ZNF407: variants seen among roughly 807,000 people sequenced by gnomAD.
The protein encoded by ZNF407 is zinc finger protein 407.
ZNF407 carries 17 observed loss-of-function variants against 131.2 expected under a neutral mutation model. That is an observed-to-expected ratio of 0.13 (90% CI 0.09 to 0.19). The LOEUF is 0.19. Ranked by LOEUF, ZNF407 falls within the 10% of genes least tolerant of loss-of-function variation. The pLI, the probability that ZNF407 is intolerant of heterozygous loss-of-function variation, is 1.00. For synonymous variants in ZNF407, 1,156 were observed against 1,062.0 expected, an observed-to-expected ratio of 1.09 and a Z score of -1.72; for missense variants, 2,681 against 2,830.6, an observed-to-expected ratio of 0.95 and a Z score of 1.20.
chr18:74,787,303 A>G (rs1421927077), intron 4 of ZNF407, among the ~76,000 whole-genome samples: 1 of 152,226 alleles, frequency 6.6e-6, no homozygotes, highest in Admixed American at 6.5e-5. Context: ...ATGTTCCACC[A>G]AAGTTATCTT....
intron 3 of ZNF407, among the ~76,000 whole-genome samples, chr18:74,693,166 A>G (rs1599074276): frequency 6.6e-6 from 1 of 152,156 alleles, no homozygotes; most frequent in Admixed American, 6.6e-5. Flanking sequence ...ATGTACATGT[A>G]TTTCTTCTCC....
At chr18:74,785,619 A>G (rs17055099) in intron 4 of ZNF407, among the ~76,000 whole-genome samples, 100,090 of 152,146 alleles carry the variant, frequency 0.66, 34,704 homozygotes, top group East Asian at 0.95. Flanking sequence ...TTGCATATTT[A>G]TAAGTTGAAG....
intron 3 of ZNF407, among the ~76,000 whole-genome samples, chr18:74,683,667 A>G (rs1056078910): frequency 6.6e-6 from 1 of 152,208 alleles, no homozygotes; most frequent in Non-Finnish European, 1.5e-5. Context: ...CTTGAATACA[A>G]CATTTATGAT....
chr18:74,821,598 A>G (rs1970341416), intron 4 of ZNF407, among the ~76,000 whole-genome samples: 1 of 152,060 alleles, frequency 6.6e-6, no homozygotes, highest in Non-Finnish European at 1.5e-5. Context: ...CAGGACATGA[A>G]CTCATCATTT....
intron 3 of ZNF407, among the ~76,000 whole-genome samples, chr18:74,678,404 C>A (rs1966902385): frequency 6.6e-6 from 1 of 152,186 alleles, no homozygotes; most frequent in South Asian, 2.1e-4. Flanking sequence ...TTCTCCCTTT[C>A]CTCTCCTTCC....
chr18:74,877,627 A>G lies in ZNF407; in HGVS notation c.5044+264A>G, dbSNP rs2145180802. ...ATATTTAGAAGCTCATTTATGGTGT[A>G]TGTATGTGTATATATATATTTGTAT... On this transcript the variant is annotated intron_variant, in intron 5 of 8. Coordinates refer to ENST00000299687, the MANE Select transcript of ZNF407 (RefSeq NM_017757.3). 1.3e-5 allele frequency among the ~76,000 whole-genome samples: 2 copies of G among 152,342 alleles called. 1 individual carries two copies. The highest frequency in any genetic ancestry group is 4.1e-4 in the South Asian group (2 of 4,826).
rs963605794 is a variant in ZNF407, at chr18:75,002,770, A to C, written c.5429-60380A>C. Among the ~76,000 whole-genome samples the C allele has an allele frequency of 5.3e-4, 76 of 144,584 alleles. 1 individual carries two copies. Among genetic ancestry groups the C allele is most frequent in the South Asian group, 1.1e-3 (5 of 4,548 alleles). 94.9% of individuals were successfully genotyped at this position (144,584 alleles called of 152,430 possible). ...CAGCGAGCCGAGATCGCGCCACTGCACTCCAGCCTGGGCAACAGAGCGAGA... is the reference window on the plus strand; with the variant it reads ...CAGCGAGCCGAGATCGCGCCACTGCCCTCCAGCCTGGGCAACAGAGCGAGA... On this transcript the variant is annotated intron_variant, in intron 8 of 8. Transcript: ENST00000299687.
At chr18:74,947,612 C>T (rs1972167926) in intron 8 of ZNF407, among the ~76,000 whole-genome samples, 1 of 152,234 alleles carries the variant, frequency 6.6e-6, no homozygotes, top group Non-Finnish European at 1.5e-5. Context: ...CGGCTGCTCT[C>T]TCCCCTCGGA....
chr18:74,863,343 T>G (rs1346943972), intron 4 of ZNF407, among the ~76,000 whole-genome samples: 1 of 151,930 alleles, frequency 6.6e-6, no homozygotes, highest in Non-Finnish European at 1.5e-5. Context: ...CAGTAATTAA[T>G]ATAAACTTAT....
At chr18:74,933,338 A>C (rs559604501) in intron 8 of ZNF407, among the ~76,000 whole-genome samples, 120 of 152,346 alleles carry the variant, frequency 7.9e-4, no homozygotes, top group African/African-American at 2.7e-3. Flanking sequence ...TTCCACTTAC[A>C]GATGATGTGC....
At chr18:74,890,098 G>A (rs117846747) in intron 7 of ZNF407, 60 bp downstream of exon 7, 367 of 1,387,886 alleles carry the variant, frequency 2.6e-4, no homozygotes, top group Non-Finnish European at 3.4e-4. Flanking sequence ...TTAAAAGCCC[G>A]TTAAATCCCA....
At chr18:74,691,896 C>T (rs948933333) in intron 3 of ZNF407, among the ~76,000 whole-genome samples, 1 of 151,932 alleles carries the variant, frequency 6.6e-6, no homozygotes, top group African/African-American at 2.4e-5. Context: ...GAGTTATAGA[C>T]CAGCCTGGCC....
intron 4 of ZNF407, among the ~76,000 whole-genome samples, chr18:74,876,371 C>T (rs116440436): frequency 6.6e-6 from 1 of 152,092 alleles, no homozygotes; most frequent in East Asian, 1.9e-4. Context: ...GTTTTAAACT[C>T]ATATTGGAAA....
intron 4 of ZNF407, among the ~76,000 whole-genome samples, chr18:74,869,750 C>T (rs1320690644): frequency 1.3e-5 from 2 of 152,168 alleles, no homozygotes; most frequent in Non-Finnish European, 2.9e-5. Flanking sequence ...TTTATTGGAA[C>T]ACAGCCACAT....
In ZNF407 at chr18:74,824,529, A is replaced by G. The variant is rs113978414; in HGVS notation, c.4877+43027A>G. ...AGATGCAATAAAAAATGATAAAGGG[A>G]TATCACCACCAATCCCACAGAAATA... On this transcript the variant is annotated intron_variant, in intron 4 of 8. Transcript: ENST00000299687. Among the ~76,000 whole-genome samples the G allele has an allele frequency of 7.8e-3, 1,182 of 152,252 alleles. 12 individuals carry two copies. The highest frequency in any genetic ancestry group is 0.026 in the African/African-American group (1,098 of 41,540).
intron 8 of ZNF407, among the ~76,000 whole-genome samples, chr18:74,962,886 A>C (rs1268499310): frequency 1.3e-5 from 2 of 152,246 alleles, no homozygotes; most frequent in Non-Finnish European, 2.9e-5. Context: ...AAGAATTAAC[A>C]AATGAATGAA....
At chr18:74,794,694 C>G (rs1459911837) in intron 4 of ZNF407, among the ~76,000 whole-genome samples, 1 of 152,026 alleles carries the variant, frequency 6.6e-6, no homozygotes, top group Non-Finnish European at 1.5e-5. Flanking sequence ...TGGTCTGTAT[C>G]TCCATATTTT....
chr18:74,906,213 A>T (rs2145215202), intron 7 of ZNF407, among the ~76,000 whole-genome samples: 1 of 152,316 alleles, frequency 6.6e-6, no homozygotes, highest in South Asian at 2.1e-4. Context: ...GTTTGTAAAG[A>T]ATAAAGAAGT....
intron 3 of ZNF407, among the ~76,000 whole-genome samples, chr18:74,681,328 T>C (rs922278230): frequency 1.3e-5 from 2 of 152,122 alleles, no homozygotes; most frequent in Non-Finnish European, 2.9e-5. Flanking sequence ...CTTGAACTCC[T>C]GCGCCTAAAT....
Sources: gnomAD v4.1 joint callset for allele counts (sites outside exome capture counted in the v4.1 genomes callset) on GRCh38, gnomAD v4.1.1 for gene constraint, MANE v1.5 for transcripts, NCBI Gene and HGNC (gene_info 2026-07-23, HGNC 2026-07-21) for gene names.